The following HRH1 variants were observed in gnomAD, a reference collection of about 807,000 sequenced individuals.
HRH1 encodes the protein histamine receptor H1, also known as histamine H1 receptor.
Under a neutral mutation model 10.3 loss-of-function variants are expected in HRH1, and 6 were observed. The observed-to-expected ratio is 0.58, with a 90% confidence interval of 0.32 to 1.15. The LOEUF (loss-of-function observed/expected upper bound fraction) is 1.15, where lower values mean the gene tolerates loss of function less well. Among genes scored for constraint, HRH1 ranks in the 50% most tolerant of loss-of-function variants. HRH1 has a pLI of 0.05. For synonymous variants in HRH1, 242 were observed against 236.7 expected (o/e 1.02, Z -0.21); for missense variants, 514 against 615.3 (o/e 0.84, Z 1.74).
In HRH1 at chr3:11,250,596, C is replaced by T. The variant is rs116632399; in HGVS notation, c.-35-8407C>T. Among the ~76,000 whole-genome samples, 1,048 of 152,140 alleles carry T rather than the reference C, an allele frequency of 6.9e-3. 11 individuals carry two copies. Among genetic ancestry groups the T allele is most frequent in the African/African-American group, 0.024 (1,008 of 41,474 alleles). ...AATGGGTGGAGTTTGTGCTAGGAGG[C>T]CTTGAGTCCTGAGGGAGGAAAGGGT... On this transcript the variant is annotated intron_variant, in intron 1 of 1. Coordinates refer to ENST00000431010, the MANE Select transcript of HRH1 (RefSeq NM_001098212.2).
intron 1 of HRH1, among the ~76,000 whole-genome samples, chr3:11,168,484 G>T (rs749732320): frequency 2.6e-5 from 4 of 152,226 alleles, no homozygotes; most frequent in Non-Finnish European, 5.9e-5. Context: ...AGTGAGAAGC[G>T]AACAGCTTCC....
At chr3:11,220,781 CT>C (rs932811060) in intron 1 of HRH1, among the ~76,000 whole-genome samples, 20 of 152,188 alleles carry the variant, frequency 1.3e-4, no homozygotes, top group African/African-American at 4.3e-4. Flanking sequence ...CTTTTTCCCC[CT>C]GCATTTCTCT....
rs189010772 is a variant in HRH1, at chr3:11,241,812, G to A, written c.-35-17191G>A. ...GATGGCGCCACTGCATTCCAGCCTGGGGGACAGAGCGAGACTCCGTTTCAA... is the reference window on the plus strand; with the variant it reads ...GATGGCGCCACTGCATTCCAGCCTGAGGGACAGAGCGAGACTCCGTTTCAA... On this transcript the variant is annotated intron_variant, in intron 1 of 1. Coordinates refer to ENST00000431010, the MANE Select transcript of HRH1 (RefSeq NM_001098212.2). Among the ~76,000 whole-genome samples the A allele has an allele frequency of 3.9e-3, 595 of 151,410 alleles. 18 individuals carry two copies. Among genetic ancestry groups the A allele is most frequent in the Admixed American group, 0.034 (523 of 15,210 alleles).
At chr3:11,163,518 T>C (rs1464066760) in intron 1 of HRH1, among the ~76,000 whole-genome samples, 1 of 152,158 alleles carries the variant, frequency 6.6e-6, no homozygotes, top group East Asian at 1.9e-4. Flanking sequence ...TTAGTCACTG[T>C]ATGACCAGGA....
At position 11,207,228 on chromosome 3, in the gene HRH1, C is replaced by T. The variant is rs149027360; in HGVS notation, c.-35-51775C>T. Among the ~76,000 whole-genome samples, 35 of 152,074 alleles carry T rather than the reference C, an allele frequency of 2.3e-4. No homozygotes were observed. In the East Asian group the frequency reaches 5.2e-3, roughly 23 times the overall value. ...CATGCTCAGCCCTGAAGGCCAGGCTCAGGCAGAACTTACTAGAGGTTCAGA... is the reference window on the plus strand; with the variant it reads ...CATGCTCAGCCCTGAAGGCCAGGCTTAGGCAGAACTTACTAGAGGTTCAGA... On this transcript the variant is annotated intron_variant, in intron 1 of 1. Transcript: ENST00000431010.
chr3:11,190,727 T>C (rs1286117723), intron 1 of HRH1, among the ~76,000 whole-genome samples: 2 of 152,056 alleles, frequency 1.3e-5, no homozygotes, highest in East Asian at 3.9e-4. Context: ...GGGTGTGGCC[T>C]ATGGTCCCAG....
chr3:11,223,290 G>A (rs1255972201), intron 1 of HRH1, among the ~76,000 whole-genome samples: 9 of 146,884 alleles, frequency 6.1e-5, no homozygotes, highest in East Asian at 2.0e-4. Flanking sequence ...TTAGGAGATC[G>A]AGACCATCCT....
At chr3:11,230,652 A>T (rs1287721530) in intron 1 of HRH1, among the ~76,000 whole-genome samples, 1 of 152,188 alleles carries the variant, frequency 6.6e-6, no homozygotes, top group Non-Finnish European at 1.5e-5. Context: ...AGACTCTCAG[A>T]AAACTTATTT....
In HRH1 at chr3:11,169,349, C is replaced by T. The variant is rs145546248; in HGVS notation, c.-36+14795C>T. 3.5e-3 allele frequency among the ~76,000 whole-genome samples: 533 copies of T among 152,268 alleles called. 3 individuals are homozygous for T. Among genetic ancestry groups the T allele is most frequent in the Non-Finnish European group, 5.7e-3 (389 of 68,020 alleles). ...TCGGGCTCCTGCATGGCATCCCTGC[C>T]AGCAGTTTGAAGTAGACGCCTCATT... On this transcript the variant is annotated intron_variant, in intron 1 of 1. Transcript: ENST00000431010.
At chr3:11,138,692 G>A (rs1309574232) in intron 1 of HRH1, among the ~76,000 whole-genome samples, 1 of 147,608 alleles carries the variant, frequency 6.8e-6, no homozygotes, top group Non-Finnish European at 1.5e-5. Context: ...GTACAAGAAT[G>A]TTCATAGCTG....
At chr3:11,164,528 T>C (rs1029842006) in intron 1 of HRH1, among the ~76,000 whole-genome samples, 1 of 152,132 alleles carries the variant, frequency 6.6e-6, no homozygotes, top group African/African-American at 2.4e-5. Flanking sequence ...TTGTTTTGTT[T>C]TGTTTTGTTT....
At chr3:11,146,562 C>A (rs750202239) in intron 1 of HRH1, among the ~76,000 whole-genome samples, 9 of 152,132 alleles carry the variant, frequency 5.9e-5, no homozygotes, top group Non-Finnish European at 1.0e-4. Flanking sequence ...AGGGAGAGAG[C>A]TGGAGCATCC....
chr3:11,163,328 C>T (rs966629250), intron 1 of HRH1, among the ~76,000 whole-genome samples: 4 of 152,204 alleles, frequency 2.6e-5, no homozygotes, highest in Admixed American at 2.0e-4. Flanking sequence ...AATCCAGTGA[C>T]ATCCTCTGCA....
At position 11,252,310 on chromosome 3, in the gene HRH1, G is replaced by A. The variant is rs140808094; in HGVS notation, c.-35-6693G>A. ...TTCTACAAATTGGAGTTTGTTTTTC[G>A]AGGCCGTTAACCCTTCATCCCACAG... On this transcript the variant is annotated intron_variant, in intron 1 of 1. Transcript: ENST00000431010. Among the ~76,000 whole-genome samples the A allele has an allele frequency of 2.4e-3, 369 of 152,142 alleles. 2 individuals are homozygous for A. The highest frequency in any genetic ancestry group is 4.4e-3 in the Non-Finnish European group (299 of 68,006).
chr3:11,218,749 T>G (rs1406600762), intron 1 of HRH1, among the ~76,000 whole-genome samples: 2 of 152,100 alleles, frequency 1.3e-5, no homozygotes, highest in Non-Finnish European at 2.9e-5. Context: ...TAATTTTTTG[T>G]ATTTTTCATA....
At chr3:11,257,232 G>T (rs60072361) in intron 1 of HRH1, among the ~76,000 whole-genome samples, 2 of 144,336 alleles carry the variant, frequency 1.4e-5, no homozygotes, top group Non-Finnish European at 3.0e-5. Flanking sequence ...CAGCCTGGGC[G>T]ACAGAGTGAG....
intron 1 of HRH1, among the ~76,000 whole-genome samples, chr3:11,138,704 AT>A (rs35194961): frequency 0.075 from 10,386 of 139,284 alleles, 793 homozygotes; most frequent in African/African-American, 0.23. Flanking sequence ...TCATAGCTGA[AT>A]TTTTTTTTTT....
chr3:11,156,079 A>C (rs1936782934), intron 1 of HRH1, among the ~76,000 whole-genome samples: 1 of 152,168 alleles, frequency 6.6e-6, no homozygotes, highest in South Asian at 2.1e-4. Flanking sequence ...GTCTGGCAGC[A>C]GCAAAGGATG....
Position 11,259,109 on chromosome 3 carries a change from C to T in HRH1, c.72C>T (p.Ser24=), listed in dbSNP as rs1161757897. The change falls in exon 2 of 2, where the codon AGC becomes AGT. Residue 24 remains serine, a synonymous_variant. Transcript: ENST00000431010. The surrounding 1 kb of genome is among the most constrained non-coding windows in gnomAD (Gnocchi z 4.6). ...MCEGNKTTMA[S]PQLMPLVVVL... is the part of the protein sequence containing the mutation. ...AGGGCAACAAGACCACTATGGCCAG[C>T]CCCCAGCTGATGCCCCTGGTGGTGG... The T allele has an allele frequency of 6.2e-7, 1 of 1,613,860 alleles. No homozygotes were observed. The highest frequency in any genetic ancestry group is 8.5e-7 in the Non-Finnish European group (1 of 1,179,926).
Sources: allele counts gnomAD v4.1 joint callset (sites outside exome capture counted in the v4.1 genomes callset), GRCh38; gene constraint gnomAD v4.1.1; non-coding constraint Gnocchi (gnomAD v3.1); transcripts MANE v1.5; gene names NCBI Gene and HGNC (gene_info 2026-07-23, HGNC 2026-07-21).